YPEL2: variants seen among roughly 807,000 people sequenced by gnomAD.
YPEL2 encodes protein yippee-like 2.
In YPEL2, 2 loss-of-function variants were observed where a neutral mutation model predicts 19.1. That is an observed-to-expected ratio of 0.10 (90% confidence interval 0.04 to 0.33). The LOEUF (loss-of-function observed/expected upper bound fraction) is 0.33. YPEL2 is among the 10% of genes least tolerant of loss of function. YPEL2 has a pLI of 1.00. For missense variants in YPEL2, 66 were observed against 140.7 expected, an observed-to-expected ratio of 0.47 and a Z score of 2.68; for synonymous variants, 52 against 50.0, an observed-to-expected ratio of 1.04 and a Z score of -0.17.
chr17:59,395,186 ACATTGCTCTGT>A (rs1289078880), intron 4 of YPEL2, among the ~76,000 whole-genome samples: 1 of 151,820 alleles, frequency 6.6e-6, no homozygotes, highest in East Asian at 1.9e-4. Flanking sequence ...TTCCCAAAAC[ACATTGCTCTGT>A]CATGTGTATA....
intron 1 of YPEL2, among the ~76,000 whole-genome samples, chr17:59,333,071 G>A (rs1239313283): frequency 2.6e-5 from 4 of 152,216 alleles, no homozygotes; most frequent in Admixed American, 2.0e-4. Flanking sequence ...CTCTGGGGTG[G>A]GACTTGATTT....
intron 1 of YPEL2, among the ~76,000 whole-genome samples, chr17:59,332,580 G>C (rs1206527409): frequency 1.3e-5 from 2 of 152,118 alleles, no homozygotes; most frequent in African/African-American, 2.4e-5. Flanking sequence ...CTCCTCTGGT[G>C]TCTTTCCCGG....
At chr17:59,364,600 A>G (rs970415513) in intron 2 of YPEL2, among the ~76,000 whole-genome samples, 2 of 148,258 alleles carry the variant, frequency 1.3e-5, no homozygotes, top group Non-Finnish European at 3.0e-5. Flanking sequence ...ACATTAAGTA[A>G]TCCCTCTGTG....
intron 2 of YPEL2, among the ~76,000 whole-genome samples, chr17:59,370,118 G>A (rs978291853): frequency 2.6e-5 from 4 of 152,286 alleles, no homozygotes; most frequent in Middle Eastern, 3.4e-3. Flanking sequence ...GTGCAGTGGC[G>A]CGATCTGGGC....
At chr17:59,365,697 A>AC (rs2047865284) in intron 2 of YPEL2, among the ~76,000 whole-genome samples, 1 of 152,192 alleles carries the variant, frequency 6.6e-6, no homozygotes. Flanking sequence ...GGAGGGTTTG[A>AC]CCTGGTGACC....
chr17:59,332,496 G>C (rs1435420002), intron 1 of YPEL2, among the ~76,000 whole-genome samples: 1 of 152,126 alleles, frequency 6.6e-6, no homozygotes, highest in Admixed American at 6.5e-5. Flanking sequence ...TGCCGCGAGC[G>C]CCTCCCCGGA....
intron 1 of YPEL2, among the ~76,000 whole-genome samples, chr17:59,345,682 G>A (rs1398648147): frequency 1.3e-5 from 2 of 152,148 alleles, no homozygotes; most frequent in Admixed American, 1.3e-4. Context: ...TAACCACCGT[G>A]AGTCAACCTG....
At chr17:59,390,340 C>G (rs1567760716) in intron 4 of YPEL2, among the ~76,000 whole-genome samples, 1 of 152,154 alleles carries the variant, frequency 6.6e-6, no homozygotes, top group East Asian at 1.9e-4. Context: ...CAGGGTCTCA[C>G]TGTGTTGCTC....
intron 2 of YPEL2, chr17:59,355,483 G>C (rs2147941186): frequency 6.6e-6 from 1 of 152,308 alleles, no homozygotes; most frequent in South Asian, 2.1e-4. Context: ...TCTTCACTTT[G>C]TTTCAGCCAC....
At chr17:59,332,825 G>C (rs1951993933) in intron 1 of YPEL2, among the ~76,000 whole-genome samples, 1 of 152,190 alleles carries the variant, frequency 6.6e-6, no homozygotes, top group South Asian at 2.1e-4. Flanking sequence ...GCTTTGCTGG[G>C]GTTTTTGCTT....
chr17:59,377,509 C>G (rs1263269730), intron 2 of YPEL2, among the ~76,000 whole-genome samples: 1 of 152,218 alleles, frequency 6.6e-6, no homozygotes, highest in Non-Finnish European at 1.5e-5. Flanking sequence ...GATATCTGAT[C>G]ATGGGCATCC....
At chr17:59,380,294 T>A in intron 2 of YPEL2, among the ~76,000 whole-genome samples, 1 of 92,828 alleles carries the variant, frequency 1.1e-5, no homozygotes, top group Non-Finnish European at 2.0e-5. Flanking sequence ...TTTTTTTTTT[T>A]GAGATGGAGT....
At chr17:59,363,084 G>A (rs1279149308) in intron 2 of YPEL2, 2 of 152,030 alleles carry the variant, frequency 1.3e-5, no homozygotes, top group African/African-American at 4.8e-5. Context: ...CACACAAGAT[G>A]GAAAATCTAT....
At chr17:59,379,856 T>TTTTTTGTTTTGTTTTGTTTTGTTTTG (rs2047939789) in intron 2 of YPEL2, among the ~76,000 whole-genome samples, 1 of 149,220 alleles carries the variant, frequency 6.7e-6, no homozygotes. Flanking sequence ...AAGTTTGGGG[T>TTTTTTGTTTTGTTTTGTTTTGTTTTG]TTTTGTTTTG....
intron 2 of YPEL2, 60 bp from the exon 3 acceptor site, chr17:59,388,266 GT>G (rs1555572035): frequency 2.2e-5 from 34 of 1,578,630 alleles, no homozygotes; most frequent in Non-Finnish European, 3.0e-5. Context: ...ATTGGGGTTG[GT>G]TTCCCAAACA....
intron 2 of YPEL2, among the ~76,000 whole-genome samples, chr17:59,362,026 A>C (rs867787519): frequency 6.6e-6 from 1 of 152,194 alleles, no homozygotes; most frequent in African/African-American, 2.4e-5. Context: ...GAAGAATAGA[A>C]GCTAGGATGT....
chr17:59,360,325 TGCCTCG>T (rs1344403369), intron 2 of YPEL2, among the ~76,000 whole-genome samples: 1 of 152,202 alleles, frequency 6.6e-6, no homozygotes, highest in Non-Finnish European at 1.5e-5. Context: ...GTTATCTGCC[TGCCTCG>T]GCCTCCCAGA....
At chr17:59,388,422 G>A (rs776595912) in intron 3 of YPEL2, 52 bp downstream of exon 3, 2 of 1,564,914 alleles carry the variant, frequency 1.3e-6, no homozygotes, top group Admixed American at 3.3e-5. Flanking sequence ...TCGAGGGATG[G>A]GAAAAAGCAA....
chr17:59,382,333 C>T (rs1011196105), intron 2 of YPEL2, among the ~76,000 whole-genome samples: 1 of 152,098 alleles, frequency 6.6e-6, no homozygotes, highest in Admixed American at 6.5e-5. Context: ...TTGGAGGTGC[C>T]TTAGGGCCTG....
Sources: gnomAD v4.1 joint callset for allele counts (sites outside exome capture counted in the v4.1 genomes callset) on GRCh38, gnomAD v4.1.1 for gene constraint, MANE v1.5 for transcripts, NCBI Gene and HGNC (gene_info 2026-07-23, HGNC 2026-07-21) for gene names.